Variants in RTKN2 observed in about 807,000 individuals in gnomAD.
RTKN2 encodes rhotekin-2.
In RTKN2, 69 loss-of-function variants were observed where a neutral mutation model predicts 71.5. The ratio of observed to expected loss-of-function variants is 0.96; its 90% CI spans 0.79 to 1.18. The LOEUF (loss-of-function observed/expected upper bound fraction) is 1.18, where lower values mean the gene tolerates loss of function less well. Ranked by LOEUF, RTKN2 falls within the 50% of genes most tolerant of loss-of-function variation. RTKN2 has a pLI of 0.00. For missense variants in RTKN2, 724 were observed against 719.7 expected, an observed-to-expected ratio of 1.01 and a Z score of -0.07; for synonymous variants, 236 against 236.5, an observed-to-expected ratio of 1.00 and a Z score of 0.02.
chr10:62,227,462 T>C (rs1305285434), intron 6 of RTKN2, among the ~76,000 whole-genome samples: 1 of 152,128 alleles, frequency 6.6e-6, no homozygotes, highest in Non-Finnish European at 1.5e-5. Context: ...GGTGAGTACA[T>C]GCTAGGTGTG....
chr10:62,267,773 A>C (rs542699568), intron 1 of RTKN2, among the ~76,000 whole-genome samples: 1 of 152,306 alleles, frequency 6.6e-6, no homozygotes, highest in African/African-American at 2.4e-5. Context: ...AAGTAGGTAA[A>C]AGAAGGTAGA....
chr10:62,215,080 TAA>T (rs1338353790), intron 9 of RTKN2: 5 of 1,514,630 alleles, frequency 3.3e-6, no homozygotes, highest in Non-Finnish European at 3.6e-6. Flanking sequence ...TGTCTTCAAA[TAA>T]AACTAATGAC....
chr10:62,248,155 C>A (rs927535538), intron 2 of RTKN2, among the ~76,000 whole-genome samples: 2 of 152,064 alleles, frequency 1.3e-5, no homozygotes, highest in Non-Finnish European at 2.9e-5. Context: ...ATTTCCAGGA[C>A]TGGTAAGCAA....
chr10:62,242,629 T>C (rs1325971258), intron 3 of RTKN2, among the ~76,000 whole-genome samples: 2 of 152,096 alleles, frequency 1.3e-5, no homozygotes, highest in African/African-American at 4.8e-5. Context: ...TACCTTTTTT[T>C]TTTTGAGACA....
At chr10:62,239,604 A>T (rs757331533) in intron 5 of RTKN2, 44 bp downstream of exon 5, 2 of 894,426 alleles carry the variant, frequency 2.2e-6, no homozygotes, top group Non-Finnish European at 3.4e-6. Flanking sequence ...AAAAAAGAAG[A>T]ATTTTAAATT....
Position 62,223,221 on chromosome 10 carries a change from A to C in RTKN2, c.781+17T>G. 1.4e-6 allele frequency: 2 copies of C among 1,394,418 alleles called. No individual in the cohort carries two copies. Among genetic ancestry groups the C allele is most frequent in the Non-Finnish European group, 2.0e-6 (2 of 984,908 alleles). The allele number at this position is 1,394,418 out of a possible 1,614,324, so 86.4% of individuals were successfully genotyped here. A position where few individuals can be genotyped will look rare whatever the true frequency, so the allele number is the denominator to read the frequency against. ...AGACAGAATATATGTAATAAGTAAA[A>C]TATATACTGTACTTACCATTTCCAT... On this transcript the variant is annotated intron_variant, in intron 7 of 11. Coordinates refer to ENST00000373789, the MANE Select transcript of RTKN2 (RefSeq NM_145307.4).
At chr10:62,226,987 T>C (rs549794412) in intron 6 of RTKN2, among the ~76,000 whole-genome samples, 1 of 152,260 alleles carries the variant, frequency 6.6e-6, no homozygotes, top group East Asian at 1.9e-4. Context: ...GGGTTTTAAA[T>C]TGATAACACA....
In RTKN2 at chr10:62,239,649, A is replaced by G; in HGVS notation, c.487T>C (p.Phe163Leu). The part of the protein sequence containing the change: ...TDICFENVTI[F>L]NEAGPDFQIK... ...CTCTGAAGATTAAAAAATACTTACA[A>G]TATGGTTACATTTTCAAAACATATA... Residue 163 changes from phenylalanine to leucine, a missense_variant and splice_region_variant, in exon 5 of 12, where the codon TTT becomes CTT. By Grantham distance (22) the Phe-to-Leu change is conservative. Coordinates refer to ENST00000373789, the MANE Select transcript of RTKN2 (RefSeq NM_145307.4). The G allele has an allele frequency of 3.0e-6, 4 of 1,316,454 alleles. No individual in the cohort carries two copies. Among genetic ancestry groups the G allele is most frequent in the Non-Finnish European group, 4.2e-6 (4 of 944,266 alleles). 81.5% of individuals were successfully genotyped at this position (1,316,454 alleles called of 1,614,324 possible).
chr10:62,214,757 T>C (rs1055157385), intron 9 of RTKN2, among the ~76,000 whole-genome samples: 1 of 152,146 alleles, frequency 6.6e-6, no homozygotes, highest in Non-Finnish European at 1.5e-5. Context: ...TTATAGCTAC[T>C]TTTTAACTTT....
Position 62,196,899 on chromosome 10 carries a change from G to A in RTKN2, c.*1009C>T. ...CCTGTTTGGGTCACTATGATTAGTT[G>A]CTATGGAAATTACCTCCTATGGAAA... On this transcript the variant is annotated 3_prime_UTR_variant, in exon 12 of 12. Coordinates refer to ENST00000373789, the MANE Select transcript of RTKN2 (RefSeq NM_145307.4). The A allele has an allele frequency of 1.0e-6, 1 of 983,512 alleles. No homozygotes were observed. Among genetic ancestry groups the A allele is most frequent in the Non-Finnish European group, 1.2e-6 (1 of 828,416 alleles). 60.9% of individuals were successfully genotyped at this position (983,512 alleles called of 1,614,324 possible). A position where few individuals can be genotyped will look rare whatever the true frequency, so the allele number is the denominator to read the frequency against.
intron 2 of RTKN2, among the ~76,000 whole-genome samples, chr10:62,253,436 G>A (rs1297094002): frequency 6.6e-6 from 1 of 152,052 alleles, no homozygotes; most frequent in African/African-American, 2.4e-5. Context: ...AGTTCAATGG[G>A]TCAAAAAATA....
At chr10:62,262,503 A>G (rs935616101) in intron 2 of RTKN2, 122 bp downstream of exon 2, 14 of 628,884 alleles carry the variant, frequency 2.2e-5, no homozygotes, top group Non-Finnish European at 3.5e-5. Context: ...CTGCTACTTC[A>G]GTGTATTTGT....
At position 62,218,212 on chromosome 10, in the gene RTKN2, C is replaced by T. The variant is rs1447246892; in HGVS notation, c.871G>A (p.Gly291Arg). The change falls in exon 8 of 12, where the codon GGA (glycine) becomes AGA (arginine). Residue 291 changes from glycine to arginine, a missense_variant. Physicochemically the swap from Gly to Arg is moderately radical, Grantham distance 125 (BLOSUM62 -2). Coordinates refer to ENST00000373789, the MANE Select transcript of RTKN2 (RefSeq NM_145307.4). The part of the protein sequence containing the change: ...PACMAEDAFA[G>R]FLNQQQMVEG... ...CCTCTAACCTGCTGATTAAGAAATC[C>T]TGCAAATGCATCCTCAGCCATACAA... The T allele has an allele frequency of 2.5e-6, 4 of 1,611,772 alleles. No homozygotes were observed. Among genetic ancestry groups the T allele is most frequent in the African/African-American group, 2.7e-5 (2 of 74,828 alleles).
At chr10:62,184,491 G>GC in intron 8 of RTKN2, 1 of 588,670 alleles carries the variant, frequency 1.7e-6, no homozygotes, top group Middle Eastern at 2.6e-4. Context: ...GGAAAAGATT[G>GC]CAAGTTTCAG....
intron 10 of RTKN2, among the ~76,000 whole-genome samples, chr10:62,201,034 G>A (rs74156127): frequency 0.11 from 16,179 of 151,942 alleles, 945 homozygotes; most frequent in African/African-American, 0.15. Flanking sequence ...TACTTATTGT[G>A]CACCTGCATG....
intron 6 of RTKN2, among the ~76,000 whole-genome samples, chr10:62,231,682 A>T (rs1422601549): frequency 6.6e-6 from 1 of 151,962 alleles, no homozygotes; most frequent in Non-Finnish European, 1.5e-5. Context: ...GAGGAAGGGG[A>T]ATGTTATTAA....
chr10:62,207,124 T>G (rs982097491), intron 9 of RTKN2, among the ~76,000 whole-genome samples: 1 of 152,084 alleles, frequency 6.6e-6, no homozygotes, highest in Non-Finnish European at 1.5e-5. Context: ...AGGATTAAAG[T>G]GGATTCAATC....
chr10:62,252,503 T>C (rs2133061870), intron 2 of RTKN2, among the ~76,000 whole-genome samples: 1 of 152,158 alleles, frequency 6.6e-6, no homozygotes, highest in Admixed American at 6.5e-5. Context: ...AAGTGAAAAT[T>C]ATACCTATTT....
chr10:62,202,334 T>C (rs1841461299), intron 10 of RTKN2, among the ~76,000 whole-genome samples: 1 of 152,210 alleles, frequency 6.6e-6, no homozygotes, highest in African/African-American at 2.4e-5. Context: ...TAGAGTCAAA[T>C]AATTGAAATT....
Sources: gnomAD v4.1 joint callset for allele counts (sites outside exome capture counted in the v4.1 genomes callset) on GRCh38, gnomAD v4.1.1 for gene constraint, MANE v1.5 for transcripts, NCBI Gene and HGNC (gene_info 2026-07-23, HGNC 2026-07-21) for gene names.